ELAVL1: variants seen among roughly 807,000 people sequenced by gnomAD.
ELAVL1 encodes ELAV like RNA binding protein 1.
In ELAVL1, 1 loss-of-function variant was observed where a neutral mutation model predicts 28.4. That is an observed-to-expected ratio of 0.04 (90% confidence interval 0.01 to 0.17). The LOEUF is 0.17. Ranked by LOEUF, ELAVL1 falls within the 10% of genes least tolerant of loss-of-function variation. The probability of loss-of-function intolerance (pLI) is 1.00; values close to 1 mark genes in which losing one functional copy is unlikely to be tolerated. For missense variants in ELAVL1, 157 were observed against 447.2 expected (o/e 0.35, Z 5.85); for synonymous variants, 174 against 183.5 (o/e 0.95, Z 0.42).
intron 2 of ELAVL1, among the ~76,000 whole-genome samples, chr19:7,988,042 G>A (rs1035471527): frequency 6.6e-5 from 10 of 152,282 alleles, no homozygotes; most frequent in Admixed American, 5.2e-4. Context: ...AGGCCAAAAC[G>A]ACAGTGCAGG....
intron 3 of ELAVL1, among the ~76,000 whole-genome samples, chr19:7,976,174 G>A (rs757090206): frequency 9.2e-5 from 14 of 151,428 alleles, no homozygotes; most frequent in African/African-American, 2.9e-4. Flanking sequence ...AGGCCGAGGC[G>A]GGTGGATCAC....
chr19:7,969,000 T>C (rs1354867403), intron 4 of ELAVL1, among the ~76,000 whole-genome samples: 1 of 152,078 alleles, frequency 6.6e-6, no homozygotes, highest in African/African-American at 2.4e-5. Flanking sequence ...GTGACATCAC[T>C]AGGCGGGAGT....
rs1985498652 is a variant in ELAVL1 at position 7,982,835 on chromosome 19, T to C, written c.173-1649A>G. Among the ~76,000 whole-genome samples, 1 of 152,362 alleles carries C rather than the reference T, an allele frequency of 6.6e-6. No individual in the cohort carries two copies. The highest frequency in any genetic ancestry group is 1.5e-5 in the Non-Finnish European group (1 of 68,036). On this transcript the variant is annotated intron_variant, in intron 2 of 5. Coordinates refer to ENST00000407627, the MANE Select transcript of ELAVL1 (RefSeq NM_001419.3). The surrounding 1 kb of genome is among the most constrained non-coding windows in gnomAD (Gnocchi z 4.3). ...TCGTGACTGTGACGGTTTTGAGGACTGGTCGGACATCCCGTAGACTCTCGA... is the reference window on the plus strand; with the variant it reads ...TCGTGACTGTGACGGTTTTGAGGACCGGTCGGACATCCCGTAGACTCTCGA...
At chr19:7,976,664 C>A (rs1165040628) in intron 3 of ELAVL1, among the ~76,000 whole-genome samples, 2 of 152,098 alleles carry the variant, frequency 1.3e-5, no homozygotes, top group Non-Finnish European at 2.9e-5. Context: ...GCCTCCAGAA[C>A]TGTGAGTTGA....
In ELAVL1 at chr19:7,959,369, TAA is replaced by T. The variant is rs1568304516; in HGVS notation, c.*4112_*4113del. 1.3e-5 allele frequency: 2 copies of T among 152,560 alleles called. No individual in the cohort carries two copies. The highest frequency in any genetic ancestry group is 6.5e-5 in the Admixed American group (1 of 15,268). 9.5% of individuals were successfully genotyped at this position (152,560 alleles called of 1,614,324 possible). The stretch of plus-strand genomic sequence containing the variant: ...TCTACTGTACAACATGGGAATCGGT[TAA>T]GAGAGCCTCCCCTCCCCCAAAGCAA... On this transcript the variant is annotated 3_prime_UTR_variant, in exon 6 of 6. Coordinates refer to ENST00000407627, the MANE Select transcript of ELAVL1 (RefSeq NM_001419.3).
At chr19:7,975,953 C>T (rs559600421) in intron 3 of ELAVL1, among the ~76,000 whole-genome samples, 1 of 151,880 alleles carries the variant, frequency 6.6e-6, no homozygotes, top group Non-Finnish European at 1.5e-5. Context: ...ATTAGCTGGT[C>T]GTGGTGGGGC....
chr19:7,966,524 G>A (rs1016457021), intron 5 of ELAVL1, among the ~76,000 whole-genome samples: 10 of 152,234 alleles, frequency 6.6e-5, no homozygotes, highest in African/African-American at 2.4e-4. Context: ...GTTTGCCTTA[G>A]GGCTGCTGAT....
Position 7,976,549 on chromosome 19 carries a change from G to A in ELAVL1, c.277-2671C>T, listed in dbSNP as rs183253810. Among the ~76,000 whole-genome samples, 7 of 152,332 alleles carry A rather than the reference G, an allele frequency of 4.6e-5. No homozygotes were observed. The East Asian group carries it at 1.3e-3, about 29-fold the overall frequency. On this transcript the variant is annotated intron_variant, in intron 3 of 5. Transcript: ENST00000407627. ...CTTCTCTAAAGCAAGCAGTGCCAGA[G>A]ACCACCAGCCTCCACCAGAAGCTGT...
chr19:7,976,125 G>A (rs1040679969), intron 3 of ELAVL1, among the ~76,000 whole-genome samples: 2 of 149,910 alleles, frequency 1.3e-5, no homozygotes, highest in Non-Finnish European at 3.0e-5. Flanking sequence ...TTTTTTGGCT[G>A]GGCGCAGTGG....
intron 1 of ELAVL1, among the ~76,000 whole-genome samples, chr19:8,003,930 T>C (rs2145233797): frequency 6.6e-6 from 1 of 152,264 alleles, no homozygotes; most frequent in South Asian, 2.1e-4. Context: ...CCCTGGAGCC[T>C]TGTGATTATA....
chr19:7,998,675 G>T (rs1931377719), intron 1 of ELAVL1, among the ~76,000 whole-genome samples: 1 of 152,068 alleles, frequency 6.6e-6, no homozygotes, highest in Middle Eastern at 3.2e-3. Context: ...AGAGATGGGG[G>T]TCTCTCTTTG....
chr19:7,989,581 A>G (rs537794256), intron 2 of ELAVL1, among the ~76,000 whole-genome samples: 8 of 152,366 alleles, frequency 5.3e-5, no homozygotes, highest in South Asian at 2.1e-4. Context: ...AATGCTTGCA[A>G]TATCTCTGGT....
chr19:7,994,595 T>C (rs1045252995), intron 1 of ELAVL1, among the ~76,000 whole-genome samples: 1 of 152,062 alleles, frequency 6.6e-6, no homozygotes, highest in African/African-American at 2.4e-5. Context: ...ATGAGGAAAA[T>C]GCAAAAGAAA....
At chr19:7,992,961 G>T (rs974155639) in intron 1 of ELAVL1, among the ~76,000 whole-genome samples, 1 of 152,154 alleles carries the variant, frequency 6.6e-6, no homozygotes, top group Non-Finnish European at 1.5e-5. Flanking sequence ...ACTTTTTGTA[G>T]AGATGGTATC....
intron 1 of ELAVL1, among the ~76,000 whole-genome samples, chr19:7,997,174 G>A (rs1188091667): frequency 6.6e-6 from 1 of 152,148 alleles, no homozygotes; most frequent in Non-Finnish European, 1.5e-5. Flanking sequence ...CTTAGCATGG[G>A]ATCCAGCAAT....
intron 4 of ELAVL1, among the ~76,000 whole-genome samples, chr19:7,970,530 C>G (rs1233043706): frequency 6.6e-6 from 1 of 152,206 alleles, no homozygotes; most frequent in African/African-American, 2.4e-5. Flanking sequence ...ATCCACCCAC[C>G]TTGGCCTCCC....
intron 3 of ELAVL1, among the ~76,000 whole-genome samples, chr19:7,980,085 G>A (rs763938541): frequency 8.9e-4 from 135 of 152,212 alleles, no homozygotes; most frequent in Non-Finnish European, 1.9e-3. Flanking sequence ...TCTGGGGCAG[G>A]GGAATCTAGC....
chr19:7,967,520 C>T (rs769836408), intron 5 of ELAVL1, 45 bp downstream of exon 5: 16 of 1,590,046 alleles, frequency 1.0e-5, no homozygotes, highest in East Asian at 2.3e-5. Flanking sequence ...CGCCTGCCAG[C>T]GGGGCTAAGT....
At chr19:7,998,077 T>C (rs2081055514) in intron 1 of ELAVL1, among the ~76,000 whole-genome samples, 1 of 152,204 alleles carries the variant, frequency 6.6e-6, no homozygotes, top group African/African-American at 2.4e-5. Flanking sequence ...GTCAAGTTCT[T>C]GGTCAACTAG....
Sources: allele counts gnomAD v4.1 joint callset (sites outside exome capture counted in the v4.1 genomes callset), GRCh38; gene constraint gnomAD v4.1.1; non-coding constraint Gnocchi (gnomAD v3.1); transcripts MANE v1.5; gene names NCBI Gene and HGNC (gene_info 2026-07-23, HGNC 2026-07-21).